Variants in COL28A1 observed in about 807,000 individuals in gnomAD.
COL28A1 encodes collagen alpha-1(XXVIII) chain.
In COL28A1, 161 loss-of-function variants were observed where a neutral mutation model predicts 150.2. That is an observed-to-expected ratio of 1.07 (90% CI 0.94 to 1.22). The LOEUF (loss-of-function observed/expected upper bound fraction) is 1.22, where lower values mean the gene tolerates loss of function less well. Ranked by LOEUF, COL28A1 falls within the 50% of genes most tolerant of loss-of-function variation. COL28A1 has a pLI of 0.00. For synonymous variants in COL28A1, 552 were observed against 469.7 expected (o/e 1.18, Z -2.26); for missense variants, 1,617 against 1,388.3 (o/e 1.16, Z -2.62).
intron 27 of COL28A1, among the ~76,000 whole-genome samples, chr7:7,385,355 G>A (rs142932543): frequency 6.6e-6 from 1 of 152,124 alleles, no homozygotes; most frequent in African/African-American, 2.4e-5. Context: ...AAGGCTCATG[G>A]GAGAACACTA....
chr7:7,350,655 C>CTTTT, the COL28A1 span, among the ~76,000 whole-genome samples: 719 of 115,024 alleles, frequency 6.3e-3, 3 homozygotes, highest in Non-Finnish European at 9.6e-3. Flanking sequence ...GTTTTCTTTC[C>CTTTT]TTTTTTTTTT....
intron 30 of COL28A1, among the ~76,000 whole-genome samples, chr7:7,376,410 T>C (rs1781544431): frequency 6.6e-6 from 1 of 152,194 alleles, no homozygotes; most frequent in Admixed American, 6.5e-5. Context: ...ATGTGGGGAA[T>C]ATTCATAGTA....
At chr7:7,432,322 C>T (rs1425866917) in intron 25 of COL28A1, 151 bp downstream of exon 25, 2 of 627,546 alleles carry the variant, frequency 3.2e-6, no homozygotes, top group Non-Finnish European at 5.6e-6. Context: ...GATTAGTTCC[C>T]CAGGAAGTCT....
At chr7:7,414,673 G>A (rs561881383) in intron 27 of COL28A1, among the ~76,000 whole-genome samples, 5 of 152,182 alleles carry the variant, frequency 3.3e-5, no homozygotes, top group Non-Finnish European at 7.3e-5. Context: ...GAAGGGGCAT[G>A]GAAAGAGAAG....
chr7:7,464,197 G>A (rs1787863337), intron 15 of COL28A1, among the ~76,000 whole-genome samples: 1 of 152,118 alleles, frequency 6.6e-6, no homozygotes, highest in East Asian at 1.9e-4. Context: ...GAGACAGACA[G>A]CAACACAATA....
At chr7:7,536,493 AT>A (rs1441890167), upstream of COL28A1, among the ~76,000 whole-genome samples, 1 of 152,056 alleles carries the variant, frequency 6.6e-6, no homozygotes, top group South Asian at 2.1e-4. Flanking sequence ...AGCGGTTAAT[AT>A]TTTGGTCTCT....
At chr7:7,405,314 T>C (rs1404907122) in intron 27 of COL28A1, among the ~76,000 whole-genome samples, 2 of 152,116 alleles carry the variant, frequency 1.3e-5, no homozygotes, top group African/African-American at 4.8e-5. Context: ...ATATAGCAAA[T>C]ATGATTGTTC....
At chr7:7,412,820 G>A (rs1783862648) in intron 27 of COL28A1, among the ~76,000 whole-genome samples, 1 of 152,058 alleles carries the variant, frequency 6.6e-6, no homozygotes, top group Non-Finnish European at 1.5e-5. Context: ...TTAACACTGT[G>A]TAAAATAAGC....
chr7:7,414,074 T>C (rs777772956), intron 27 of COL28A1, among the ~76,000 whole-genome samples: 1 of 152,090 alleles, frequency 6.6e-6, no homozygotes, highest in Admixed American at 6.5e-5. Flanking sequence ...CAATTAGAAA[T>C]GAAGAATGGG....
chr7:7,491,245 C>A (rs1178723661), intron 11 of COL28A1, among the ~76,000 whole-genome samples: 1 of 152,206 alleles, frequency 6.6e-6, no homozygotes, highest in Admixed American at 6.5e-5. Flanking sequence ...AATCTCCTTT[C>A]CCTTTGTCAC....
In COL28A1 at chr7:7,444,406, A is replaced by C. The variant is rs1786084507; in HGVS notation, c.1581+12T>G. The C allele has an allele frequency of 3.1e-6, 5 of 1,613,420 alleles. No homozygotes were observed. The African/African-American group carries it at 5.3e-5, about 17-fold the overall frequency. ...AGTTCCTACTCCAGTAATACGAAAA[A>C]CTTGGTGTTACCTTCTTCCCTGCAG... On this transcript the variant is annotated intron_variant, in intron 19 of 34. Transcript: ENST00000399429.
intron 21 of COL28A1, among the ~76,000 whole-genome samples, chr7:7,439,408 G>A (rs569325394): frequency 6.6e-6 from 1 of 152,188 alleles, no homozygotes; most frequent in Admixed American, 6.5e-5. Context: ...ACATGAACCT[G>A]TTAAAATTCT....
intron 15 of COL28A1, among the ~76,000 whole-genome samples, chr7:7,464,500 C>A (rs956616003): frequency 6.6e-6 from 1 of 152,268 alleles, no homozygotes; most frequent in East Asian, 1.9e-4. Context: ...GAAATCAACT[C>A]CAAAATGAAC....
At chr7:7,495,872 C>T (rs1286761792) in intron 11 of COL28A1, among the ~76,000 whole-genome samples, 2 of 152,126 alleles carry the variant, frequency 1.3e-5, no homozygotes, top group African/African-American at 2.4e-5. Context: ...CCTTCTGAGG[C>T]CTTTCCCAAA....
Position 7,452,510 on chromosome 7 carries a change from T to C in COL28A1, c.1441-123A>G, listed in dbSNP as rs573723925. On this transcript the variant is annotated intron_variant, in intron 17 of 34. Coordinates refer to ENST00000399429, the MANE Select transcript of COL28A1 (RefSeq NM_001037763.3). Reference sequence around the variant, plus strand: ...TTTCATGTGCTCAATTCATATATATTGCCTGAAATCCCTTCGGGGGATGGA... The same window carrying C: ...TTTCATGTGCTCAATTCATATATATCGCCTGAAATCCCTTCGGGGGATGGA... The C allele has an allele frequency of 2.9e-4, 389 of 1,359,002 alleles. 4 individuals are homozygous for C. In the South Asian group the frequency reaches 6.2e-3, roughly 22 times the overall value. 84.2% of individuals were successfully genotyped at this position (1,359,002 alleles called of 1,614,324 possible). A position where few individuals can be genotyped will look rare whatever the true frequency, so the allele number is the denominator to read the frequency against.
chr7:7,505,111 G>A (rs10486175), intron 11 of COL28A1, among the ~76,000 whole-genome samples: 13,961 of 152,136 alleles, frequency 0.092, 761 homozygotes, highest in Middle Eastern at 0.21. Flanking sequence ...AATTCAAAGT[G>A]GCCTGGTAAA....
chr7:7,537,006 T>C (rs887976370), upstream of COL28A1, among the ~76,000 whole-genome samples: 4 of 152,256 alleles, frequency 2.6e-5, no homozygotes, highest in African/African-American at 4.8e-5. Context: ...TAAGCTCTTA[T>C]GGCATATTCC....
Position 7,531,759 on chromosome 7 carries a change from G to A in COL28A1, c.270C>T (p.Asp90=). 7 of 1,608,694 alleles carry A rather than the reference G, an allele frequency of 4.4e-6. No homozygotes were observed. Among genetic ancestry groups the A allele is most frequent in the East Asian group, 2.2e-5 (1 of 44,852 alleles). The change falls in exon 3 of 35, where the codon GAC becomes GAT. Residue 90 remains aspartate, a synonymous_variant. Coordinates refer to ENST00000399429, the MANE Select transcript of COL28A1 (RefSeq NM_001037763.3). The stretch of plus-strand genomic sequence containing the variant: ...TAAACTGAAGGGCTGCCAGTTTGAT[G>A]TCATATTCCAAGGAGCGACCAGGAG... ...QLTPGRSLEY[D]IKLAALQFSS... is the part of the protein sequence containing the mutation.
chr7:7,377,496 C>CA (rs1471688493), intron 30 of COL28A1, among the ~76,000 whole-genome samples: 1 of 152,182 alleles, frequency 6.6e-6, no homozygotes, highest in East Asian at 1.9e-4. Context: ...TCCAAGGAGG[C>CA]AGACTCTGAC....
Sources: gnomAD v4.1 joint callset for allele counts (sites outside exome capture counted in the v4.1 genomes callset) on GRCh38, gnomAD v4.1.1 for gene constraint, MANE v1.5 for transcripts, NCBI Gene and HGNC (gene_info 2026-07-23, HGNC 2026-07-21) for gene names.